The following WT1 variants were observed in gnomAD, a reference collection of about 807,000 sequenced individuals.
The protein encoded by WT1 is Wilms tumor protein.
In WT1, 8 loss-of-function variants were observed where a neutral mutation model predicts 60.8. The ratio of observed to expected loss-of-function variants is 0.13; its 90% CI spans 0.08 to 0.24. The LOEUF is 0.24. Ranked by LOEUF, WT1 falls within the 10% of genes least tolerant of loss-of-function variation. The pLI, the probability that WT1 is intolerant of heterozygous loss-of-function variation, is 1.00. For missense variants in WT1, 568 were observed against 711.8 expected (o/e 0.80, Z 2.30); for synonymous variants, 312 against 297.1 (o/e 1.05, Z -0.52).
chr11:32,403,633 G>A (rs1216918056), intron 5 of WT1, among the ~76,000 whole-genome samples: 1 of 147,242 alleles, frequency 6.8e-6, no homozygotes, highest in Non-Finnish European at 1.5e-5. Context: ...GGAGTGCAGT[G>A]GCATGAAGTC....
rs565551027 is a variant in WT1, at chr11:32,430,793, G to C, written c.662-2174C>G. 4.6e-6 allele frequency: 6 copies of C among 1,318,144 alleles called. No homozygotes were observed. In the South Asian group the frequency reaches 1.6e-4, roughly 34 times the overall value. 81.7% of individuals were successfully genotyped at this position (1,318,144 alleles called of 1,614,324 possible). A position where few individuals can be genotyped will look rare whatever the true frequency, so the allele number is the denominator to read the frequency against. ...CAAACCCTCTCCTTCAGGTCCCCCC[G>C]GGAGGGGCAGTGGTGAAAGCGCCTG... is the stretch of plus-strand genomic sequence containing the variant. On this transcript the variant is annotated intron_variant, in intron 1 of 9. Transcript: ENST00000452863.
intron 5 of WT1, among the ~76,000 whole-genome samples, chr11:32,404,436 G>A (rs1017243460): frequency 3.8e-4 from 58 of 152,110 alleles, no homozygotes; most frequent in African/African-American, 1.3e-3. Context: ...GGAATTGACA[G>A]CAAGGTGTCA....
chr11:32,399,049 G>C (rs963976742), intron 6 of WT1, among the ~76,000 whole-genome samples: 5 of 151,224 alleles, frequency 3.3e-5, no homozygotes, highest in Non-Finnish European at 7.4e-5. Context: ...CCAGCTACTC[G>C]GGAGGCTGAG....
At chr11:32,413,937 T>A (rs1347278889) in intron 5 of WT1, among the ~76,000 whole-genome samples, 4 of 152,132 alleles carry the variant, frequency 2.6e-5, no homozygotes, top group Admixed American at 1.3e-4. Context: ...TCTCTCCACC[T>A]CCTCAGCTAA....
At chr11:32,390,878 T>C (rs1851795129) in intron 9 of WT1, among the ~76,000 whole-genome samples, 1 of 152,246 alleles carries the variant, frequency 6.6e-6, no homozygotes, top group Non-Finnish European at 1.5e-5. Flanking sequence ...TGCTCCTTAC[T>C]AGCTTTGTGA....
chr11:32,424,469 T>A (rs1351028138), intron 3 of WT1, among the ~76,000 whole-genome samples: 1 of 152,184 alleles, frequency 6.6e-6, no homozygotes, highest in Non-Finnish European at 1.5e-5. Context: ...ATGCAATAAA[T>A]TCCAGTTATT....
intron 9 of WT1, among the ~76,000 whole-genome samples, chr11:32,391,337 T>C (rs5030294): frequency 0.011 from 1,633 of 152,302 alleles, 20 homozygotes; most frequent in African/African-American, 0.037. Context: ...AAGCTAAATA[T>C]TAACGCTCTT....
intron 3 of WT1, among the ~76,000 whole-genome samples, chr11:32,425,448 C>T (rs567634954): frequency 6.6e-6 from 1 of 152,304 alleles, no homozygotes; most frequent in South Asian, 2.1e-4. Context: ...CCATTACATT[C>T]ACAAAAGCAT....
intron 7 of WT1, among the ~76,000 whole-genome samples, chr11:32,393,731 T>C (rs956613661): frequency 6.6e-6 from 1 of 152,196 alleles, no homozygotes; most frequent in Non-Finnish European, 1.5e-5. Flanking sequence ...CCTGGGTGTC[T>C]CCTTCTTCTG....
chr11:32,405,785 T>C (rs1260173713), intron 5 of WT1, among the ~76,000 whole-genome samples: 1 of 152,218 alleles, frequency 6.6e-6, no homozygotes, highest in Admixed American at 6.5e-5. Flanking sequence ...ATCCCCATTT[T>C]ACAGCAAAGA....
At chr11:32,392,561 C>T in intron 8 of WT1, 105 bp downstream of exon 8, 1 of 1,120,110 alleles carries the variant, frequency 8.9e-7, no homozygotes, top group South Asian at 1.3e-5. Flanking sequence ...AAAAACTAAA[C>T]ACATGGCTGA....
rs1362652506 is a variant in WT1 at position 32,417,590 on chromosome 11, C to T, written c.952G>A (p.Ala318Thr). The T allele has an allele frequency of 6.2e-7, 1 of 1,613,976 alleles. No homozygotes were observed. Among genetic ancestry groups the T allele is most frequent in the African/African-American group, 1.3e-5 (1 of 75,044 alleles). Residue 318 changes from alanine to threonine, a missense_variant, in exon 4 of 10, where the codon GCC (alanine) becomes ACC (threonine). Around this residue, in one of 3 missense-constraint regions of WT1, gnomAD observed 523 missense variants for 565.1 expected, o/e 0.93. Transcript: ENST00000452863. ...AGAAAACCTTACCCCTTTAAGGTGG[C>T]TCCTAAGTTCATCTGATTCCAGGTC...
intron 1 of WT1, chr11:32,430,544 G>A (rs1349170625): frequency 1.2e-6 from 2 of 1,607,928 alleles, no homozygotes; most frequent in Non-Finnish European, 1.7e-6. Context: ...CTCCATTCCT[G>A]AGCCCAGGAG....
At position 32,434,595 on chromosome 11, in the gene WT1, G is replaced by A. The variant is rs1323666316; in HGVS notation, c.661+105C>T. 5.1e-6 allele frequency: 8 copies of A among 1,574,220 alleles called. No homozygotes were observed. In the African/African-American group the frequency reaches 8.1e-5, roughly 16 times the overall value. On this transcript the variant is annotated intron_variant, in intron 1 of 9. Transcript: ENST00000452863. ...TCCTCACGGCCCTTGGGAAGCAGCT[G>A]GGTAAGAGCTGCGGTCAAAAGGGGT...
chr11:32,406,621 C>CA (rs777180705), intron 5 of WT1, among the ~76,000 whole-genome samples: 62 of 147,472 alleles, frequency 4.2e-4, no homozygotes, highest in African/African-American at 5.5e-4. Flanking sequence ...TACCCTCCAC[C>CA]AAAAAAAAAA....
In WT1 at chr11:32,428,482, G is replaced by A. The variant is rs1160084869; in HGVS notation, c.784+15C>T. ...AAGAAGGGGAGAAGGACTCCACTTG[G>A]TTCCGCTCGCTTACCCAGCGAGCCC... is the stretch of plus-strand genomic sequence containing the variant. On this transcript the variant is annotated intron_variant, in intron 2 of 9. Transcript: ENST00000452863. The A allele has an allele frequency of 2.5e-6, 4 of 1,613,974 alleles. No homozygotes were observed. Among genetic ancestry groups the A allele is most frequent in the African/African-American group, 2.7e-5 (2 of 75,052 alleles).
chr11:32,400,392 C>T, intron 5 of WT1: 2 of 398,946 alleles, frequency 5.0e-6, no homozygotes, highest in Admixed American at 7.2e-5. Flanking sequence ...CTGCAGGTAT[C>T]TCAGGAATGA....
intron 6 of WT1, among the ~76,000 whole-genome samples, chr11:32,399,156 CAAAAAAA>C (rs890562481): frequency 9.2e-5 from 5 of 54,372 alleles, no homozygotes; most frequent in Non-Finnish European, 1.8e-4. Flanking sequence ...ACTCCCATCT[CAAAAAAA>C]AAAAAAAGAA....
At chr11:32,434,110 G>A (rs893862190) in intron 1 of WT1, among the ~76,000 whole-genome samples, 1 of 152,236 alleles carries the variant, frequency 6.6e-6, no homozygotes, top group African/African-American at 2.4e-5. Flanking sequence ...GTTCCAGAAA[G>A]CCATTTAGTT....
Sources: allele counts gnomAD v4.1 joint callset (sites outside exome capture counted in the v4.1 genomes callset), GRCh38; gene constraint gnomAD v4.1.1; regional missense constraint gnomAD v4.1.1; transcripts MANE v1.5; gene names NCBI Gene and HGNC (gene_info 2026-07-23, HGNC 2026-07-21).